Variants in CSRP1 observed in about 807,000 individuals in gnomAD.
The protein encoded by CSRP1 is cysteine and glycine-rich protein 1.
CSRP1 carries 16 observed loss-of-function variants against 25.4 expected under a neutral mutation model. The ratio of observed to expected loss-of-function variants is 0.63; its 90% CI spans 0.43 to 0.96. CSRP1 has a LOEUF of 0.96. Among genes scored for constraint, CSRP1 ranks in the 40% least tolerant of loss-of-function variants. The pLI is 0.00. For missense variants in CSRP1, 212 were observed against 243.6 expected (o/e 0.87, Z 0.86); for synonymous variants, 97 against 95.3 (o/e 1.02, Z -0.10).
In CSRP1 at chr1:201,484,311, TCTTG is replaced by T; in HGVS notation, c.*398_*401del. ...CAGCCTTCCCCCCTCCTCATCTTGG[TCTTG>T]CTTCCCTCTCCCTCCAGCCTGTTGC... is the stretch of plus-strand genomic sequence containing the variant. On this transcript the variant is annotated 3_prime_UTR_variant, in exon 6 of 6. Transcript: ENST00000340006. The T allele has an allele frequency of 5.9e-6, 3 of 508,988 alleles. No individual in the cohort carries two copies. The highest frequency in any genetic ancestry group is 3.8e-5 in the African/African-American group (2 of 53,148). 31.5% of individuals were successfully genotyped at this position (508,988 alleles called of 1,614,324 possible).
intron 2 of CSRP1, 40 bp from the exon 3 acceptor site, chr1:201,490,384 CTGGG>C: frequency 6.2e-7 from 1 of 1,601,644 alleles, no homozygotes; most frequent in South Asian, 1.1e-5. Context: ...TGAGTTGAAG[CTGGG>C]GTGACCTTCT....
chr1:201,502,903 G>A (rs1037873408), intron 1 of CSRP1, among the ~76,000 whole-genome samples: 12 of 152,126 alleles, frequency 7.9e-5, no homozygotes, highest in East Asian at 3.9e-4. Context: ...GGGAGGCTGA[G>A]GTGGGTGGAT....
At chr1:201,494,312 T>C (rs680198) in intron 2 of CSRP1, among the ~76,000 whole-genome samples, 97,267 of 151,846 alleles carry the variant, frequency 0.64, 31,790 homozygotes, top group East Asian at 0.94. Flanking sequence ...AAGCAACATC[T>C]GAGAGCAAAG....
chr1:201,488,032 T>G (rs537653080), intron 4 of CSRP1: 1 of 152,242 alleles, frequency 6.6e-6, no homozygotes, highest in Non-Finnish European at 1.5e-5. Context: ...AACCTTGTTG[T>G]GTGATCTTGG....
chr1:201,496,041 G>T, intron 2 of CSRP1, 151 bp downstream of exon 2: 1 of 635,426 alleles, frequency 1.6e-6, no homozygotes, highest in South Asian at 1.9e-5. Flanking sequence ...AGGCCCTGAA[G>T]TGTTTCCCTG....
At chr1:201,486,265 C>T (rs774970380) in intron 4 of CSRP1, 2 of 816,798 alleles carry the variant, frequency 2.4e-6, no homozygotes, top group South Asian at 5.6e-5. Flanking sequence ...AGTGATGGGA[C>T]GTTGCACAGA....
In CSRP1 at chr1:201,484,041, C is replaced by T. The variant is rs756605064; in HGVS notation, c.*672G>A. Reference sequence around the variant, plus strand: ...CTAGATGTTTGAGAAGATCAAACAACATCCTGACTTTGGGGTCCTTAAGAC... The same window carrying T: ...CTAGATGTTTGAGAAGATCAAACAATATCCTGACTTTGGGGTCCTTAAGAC... On this transcript the variant is annotated 3_prime_UTR_variant, in exon 6 of 6. Coordinates refer to ENST00000340006, the MANE Select transcript of CSRP1 (RefSeq NM_004078.3). The T allele has an allele frequency of 2.2e-5, 15 of 696,996 alleles. No homozygotes were observed. Among genetic ancestry groups the T allele is most frequent in the Non-Finnish European group, 5.3e-6 (2 of 380,474 alleles). The allele number at this position is 696,996 out of a possible 1,614,324, so 43.2% of individuals were successfully genotyped here.
At chr1:201,486,344 G>A (rs1455971873) in intron 4 of CSRP1, 1 of 985,398 alleles carries the variant, frequency 1.0e-6, no homozygotes, top group African/African-American at 1.7e-5. Flanking sequence ...AGACAGCTCT[G>A]CTTAACCCAG....
chr1:201,504,886 G>A (rs1043553489), intron 1 of CSRP1, among the ~76,000 whole-genome samples: 2 of 151,972 alleles, frequency 1.3e-5, no homozygotes, highest in African/African-American at 4.8e-5. Flanking sequence ...ATCACCTGAG[G>A]TCAGGAGTTC....
At chr1:201,488,808 A>C (rs1664231394) in intron 4 of CSRP1, 47 bp downstream of exon 4, 1 of 1,601,862 alleles carries the variant, frequency 6.2e-7, no homozygotes, top group East Asian at 2.2e-5. Flanking sequence ...TCCACATTTC[A>C]GGAAGATATC....
chr1:201,484,279 A>G lies in CSRP1; in HGVS notation c.*434T>C, dbSNP rs141214602. On this transcript the variant is annotated 3_prime_UTR_variant, in exon 6 of 6. Transcript: ENST00000340006. ...CACAGAGGAGAATCTCTGAGATCCA[A>G]AAAACCCAGCCTTCCCCCCTCCTCA... 60 of 509,906 alleles carry G rather than the reference A, an allele frequency of 1.2e-4. No individual in the cohort carries two copies. The East Asian group carries it at 1.7e-3, about 14-fold the overall frequency. 31.6% of individuals were successfully genotyped at this position (509,906 alleles called of 1,614,324 possible).
Position 201,497,039 on chromosome 1 carries a change from TTTTTG to T in CSRP1, c.-1-740_-1-736del, listed in dbSNP as rs568959333. On this transcript the variant is annotated intron_variant, in intron 1 of 5. Transcript: ENST00000340006. ...ATAGCTCACCACAAGAAAAAAGTTT[TTTTTG>T]TTTTGTTTTGTTTTTTAAATGCAGG... 2.8e-3 allele frequency among the ~76,000 whole-genome samples: 426 copies of T among 152,316 alleles called. 1 individual carries two copies. The highest frequency in any genetic ancestry group is 9.8e-3 in the African/African-American group (409 of 41,566).
chr1:201,488,559 T>C (rs1287442077), intron 4 of CSRP1: 1 of 214,222 alleles, frequency 4.7e-6, no homozygotes, highest in African/African-American at 2.3e-5. Flanking sequence ...CTGCAGCCCA[T>C]CCACGTACCC....
intron 2 of CSRP1, chr1:201,492,445 A>T (rs1280984917): frequency 1.3e-5 from 2 of 152,200 alleles, no homozygotes; most frequent in Non-Finnish European, 2.9e-5. Context: ...AACTCACCAA[A>T]GTCTTTGTAA....
At chr1:201,491,544 T>C (rs1489694934) in intron 2 of CSRP1, 1 of 152,214 alleles carries the variant, frequency 6.6e-6, no homozygotes, top group African/African-American at 2.4e-5. Context: ...AAATGCATAA[T>C]AAATGTTGGC....
chr1:201,494,514 C>A (rs970479956), intron 2 of CSRP1, among the ~76,000 whole-genome samples: 1 of 152,348 alleles, frequency 6.6e-6, no homozygotes, highest in East Asian at 1.9e-4. Flanking sequence ...CTTGTTTACT[C>A]CCCATTCATC....
intron 4 of CSRP1, 97 bp downstream of exon 4, chr1:201,488,758 C>T (rs1664229871): frequency 2.8e-6 from 4 of 1,434,924 alleles, no homozygotes; most frequent in Non-Finnish European, 2.9e-6. Context: ...GCTCAGGCTG[C>T]CCTGAGCAGA....
At chr1:201,502,345 C>T (rs1664695946) in intron 1 of CSRP1, among the ~76,000 whole-genome samples, 1 of 152,228 alleles carries the variant, frequency 6.6e-6, no homozygotes, top group African/African-American at 2.4e-5. Context: ...GGGCTGGCAT[C>T]CCTTCCAATC....
Position 201,484,186 on chromosome 1 carries a change from T to C in CSRP1, c.*527A>G, listed in dbSNP as rs138257059. 7.5e-4 allele frequency: 429 copies of C among 575,292 alleles called. 1 individual carries two copies. The highest frequency in any genetic ancestry group is 6.9e-3 in the African/African-American group (374 of 54,428). 35.6% of individuals were successfully genotyped at this position (575,292 alleles called of 1,614,324 possible). ...TGCCTGCATGCCTCTCTGCCTCCAA[T>C]AGTGACTCCCTAAGCTGGGACTCCT... On this transcript the variant is annotated 3_prime_UTR_variant, in exon 6 of 6. Transcript: ENST00000340006.
Sources: allele counts gnomAD v4.1 joint callset (sites outside exome capture counted in the v4.1 genomes callset), GRCh38; gene constraint gnomAD v4.1.1; transcripts MANE v1.5; gene names NCBI Gene and HGNC (gene_info 2026-07-23, HGNC 2026-07-21).